The following ZPBP2 variants were observed in gnomAD, a reference collection of about 807,000 sequenced individuals.
The protein encoded by ZPBP2 is zona pellucida-binding protein 2.
ZPBP2 carries 34 observed loss-of-function variants against 37.5 expected under a neutral mutation model. The ratio of observed to expected loss-of-function variants is 0.91; its 90% CI spans 0.69 to 1.21. ZPBP2 has a LOEUF of 1.21. ZPBP2 is among the 50% of genes most tolerant of loss of function. ZPBP2 has a pLI of 0.00. For missense variants in ZPBP2, 397 were observed against 413.5 expected (o/e 0.96, Z 0.35); for synonymous variants, 143 against 138.4 (o/e 1.03, Z -0.23).
At chr17:39,875,149 G>A (rs993352571) in intron 6 of ZPBP2, 105 bp from the exon 7 acceptor site, 8 of 1,036,886 alleles carry the variant, frequency 7.7e-6, no homozygotes, top group Non-Finnish European at 9.8e-6. Flanking sequence ...ATTTATCTAC[G>A]TTAAGTATGG....
intron 6 of ZPBP2, among the ~76,000 whole-genome samples, chr17:39,874,080 G>A (rs1360073761): frequency 6.8e-6 from 1 of 147,214 alleles, no homozygotes; most frequent in Non-Finnish European, 1.5e-5. Flanking sequence ...CCACCTCCCA[G>A]GTTCAAGCAA....
chr17:39,871,715 A>G, intron 4 of ZPBP2, 90 bp downstream of exon 4: 1 of 1,105,614 alleles, frequency 9.0e-7, no homozygotes, highest in Non-Finnish European at 1.2e-6. Flanking sequence ...TGAGTCTGTA[A>G]TAGGTGACTG....
chr17:39,871,543 A>G lies in ZPBP2; in HGVS notation c.324A>G (p.Thr108=), dbSNP rs2063364557. 1 of 1,609,792 alleles carries G rather than the reference A, an allele frequency of 6.2e-7. No homozygotes were observed. Among genetic ancestry groups the G allele is most frequent in the Non-Finnish European group, 8.5e-7 (1 of 1,178,096 alleles). The part of the protein sequence containing the change: ...DFLEPLSGLY[T]CTLSYKTVKA... ...TGGAGCCTTTGTCTGGACTTTACAC[A>G]TGTACTCTTTCTTATAAGACTGTTA... The change falls in exon 4 of 8, where the codon ACA becomes ACG. Residue 108 remains threonine, a synonymous_variant. Transcript: ENST00000348931.
chr17:39,868,267 T>C lies in ZPBP2; in HGVS notation c.-88T>C. ...GCGACCCCGGCGTTCTGCTCCGCAC[T>C]GTGGAGGAGGTGGGGAGGTGTTGGG... On this transcript the variant is annotated 5_prime_UTR_variant, in exon 1 of 8. Transcript: ENST00000348931. 1 of 1,487,576 alleles carries C rather than the reference T, an allele frequency of 6.7e-7. No individual in the cohort carries two copies. The allele number at this position is 1,487,576 out of a possible 1,614,324, so 92.1% of individuals were successfully genotyped here. A position where few individuals can be genotyped will look rare whatever the true frequency, so the allele number is the denominator to read the frequency against.
chr17:39,872,995 G>T, intron 5 of ZPBP2, 49 bp from the exon 6 acceptor site: 2 of 1,552,498 alleles, frequency 1.3e-6, no homozygotes, highest in Non-Finnish European at 1.8e-6. Context: ...TGAAATGTTT[G>T]GAACTTTTCA....
chr17:39,868,496 T>C, intron 1 of ZPBP2, 53 bp from the exon 2 acceptor site: 2 of 1,613,914 alleles, frequency 1.2e-6, no homozygotes, highest in Non-Finnish European at 1.7e-6. Flanking sequence ...CCTGCCCGAC[T>C]CTGAACCCTG....
chr17:39,869,705 A>ATCTT (rs2144639099), intron 2 of ZPBP2, among the ~76,000 whole-genome samples: 2 of 91,168 alleles, frequency 2.2e-5, no homozygotes, highest in East Asian at 5.8e-4. Flanking sequence ...GCACCAGCCA[A>ATCTT]TCTTTTTTTT....
intron 6 of ZPBP2, among the ~76,000 whole-genome samples, chr17:39,874,860 C>G (rs567134088): frequency 6.6e-6 from 1 of 152,370 alleles, no homozygotes; most frequent in African/African-American, 2.4e-5. Flanking sequence ...AAGCAATTCT[C>G]CTGCCTCAGC....
rs762047061 is a variant in ZPBP2 at position 39,871,591 on chromosome 17, A to C, written c.372A>C (p.Lys124Asn). ...TTAAAGCAGAAACTCAAGAAGAAAA[A>C]ACAGTCAAAAAGAGATATGACTTTA... ...KTVKAETQEE[K>N]TVKKRYDFMV... The change falls in exon 4 of 8, where the codon AAA (lysine) becomes AAC (asparagine). Residue 124 changes from lysine (K) to asparagine (N), a missense_variant. Lys to Asn is a moderately conservative substitution (Grantham distance 94). Coordinates refer to ENST00000348931, the MANE Select transcript of ZPBP2 (RefSeq NM_199321.3). 3.1e-6 allele frequency: 5 copies of C among 1,595,860 alleles called. No individual in the cohort carries two copies. The highest frequency in any genetic ancestry group is 3.4e-6 in the Non-Finnish European group (4 of 1,173,254).
In ZPBP2 at chr17:39,868,575, A is replaced by G. The variant is rs1192590215; in HGVS notation, c.79A>G (p.Asn27Asp). Residue 27 changes from asparagine to aspartate, a missense_variant, in exon 2 of 8, where the codon AAT becomes GAT. Physicochemically the swap from Asn to Asp is conservative, Grantham distance 23 (BLOSUM62 1). Transcript: ENST00000348931. ...GVQCPRFTLF[N>D]KKGFIYGKTG... ...CCAATGCCCGCGTTTTACCTTATTC[A>G]ATAAGAAGGGCTTCATTTATGGCAA... The G allele has an allele frequency of 5.0e-6, 8 of 1,614,092 alleles. No homozygotes were observed. Among genetic ancestry groups the G allele is most frequent in the Non-Finnish European group, 6.8e-6 (8 of 1,180,014 alleles).
In ZPBP2 at chr17:39,868,352, G is replaced by C. The variant is rs1029192811; in HGVS notation, c.-3G>C. Reference sequence around the variant, plus strand: ...CGCCTCCTGCGACGCCAGCCCCTGAGCGATGATGCGAACGTGCGTCCTACT... The same window carrying C: ...CGCCTCCTGCGACGCCAGCCCCTGACCGATGATGCGAACGTGCGTCCTACT... On this transcript the variant is annotated 5_prime_UTR_variant, in exon 1 of 8. Transcript: ENST00000348931. The C allele has an allele frequency of 6.2e-7, 1 of 1,608,856 alleles. No individual in the cohort carries two copies. The highest frequency in any genetic ancestry group is 1.3e-5 in the African/African-American group (1 of 74,930).
Position 39,876,877 on chromosome 17 carries a change from C to T in ZPBP2, c.*68C>T. ...AGATGATTTTCACATCCCAGAGCAT[C>T]ATAGATAGTTCCATTAAGTAAAATC... On this transcript the variant is annotated 3_prime_UTR_variant, in exon 8 of 8. Coordinates refer to ENST00000348931, the MANE Select transcript of ZPBP2 (RefSeq NM_199321.3). 6.3e-7 allele frequency: 1 copy of T among 1,584,940 alleles called. No individual in the cohort carries two copies. The highest frequency in any genetic ancestry group is 1.7e-5 in the Admixed American group (1 of 58,946).
At chr17:39,875,480 G>T in intron 7 of ZPBP2, 46 bp downstream of exon 7, 1 of 1,382,068 alleles carries the variant, frequency 7.2e-7, no homozygotes. Context: ...TATAGAGTCA[G>T]AAGAATATAT....
chr17:39,874,070 C>T (rs538009166), intron 6 of ZPBP2, among the ~76,000 whole-genome samples: 1 of 149,982 alleles, frequency 6.7e-6, no homozygotes, highest in African/African-American at 2.5e-5. Context: ...ACTGCAACCT[C>T]CACCTCCCAG....
intron 6 of ZPBP2, 85 bp downstream of exon 6, chr17:39,873,211 C>A: frequency 8.4e-7 from 1 of 1,191,052 alleles, no homozygotes; most frequent in Non-Finnish European, 1.2e-6. Flanking sequence ...TGCAGTGGTG[C>A]GACCATAGCT....
chr17:39,872,366 A>G lies in ZPBP2; in HGVS notation c.503A>G (p.Lys168Arg), dbSNP rs1476027887. Residue 168 changes from lysine (K) to arginine (R), a missense_variant, in exon 5 of 8, where the codon AAG (lysine) becomes AGG (arginine). Coordinates refer to ENST00000348931, the MANE Select transcript of ZPBP2 (RefSeq NM_199321.3). ...AATGATGTATTCTTTAGAGTGCTGA[A>G]GAAAATCTTGGATAGTCTAATTTCT... ...RYNDVFFRVL[K>R]KILDSLISDL... is the part of the protein sequence containing the mutation. The G allele has an allele frequency of 1.2e-6, 2 of 1,613,456 alleles. No individual in the cohort carries two copies. The highest frequency in any genetic ancestry group is 2.7e-5 in the African/African-American group (2 of 74,898).
At chr17:39,868,445 T>A (rs1309207491) in intron 1 of ZPBP2, 39 bp downstream of exon 1, 3 of 1,611,726 alleles carry the variant, frequency 1.9e-6, no homozygotes, top group Non-Finnish European at 2.5e-6. Context: ...CCTCTCCCTC[T>A]GCCCGAGCTT....
intron 3 of ZPBP2, 51 bp downstream of exon 3, chr17:39,870,870 G>GA (rs2063362003): frequency 7.5e-7 from 1 of 1,333,446 alleles, no homozygotes; most frequent in African/African-American, 1.5e-5. Flanking sequence ...CATATTTTTA[G>GA]AAAATCACTG....
chr17:39,873,570 G>A (rs1208306994), intron 6 of ZPBP2, among the ~76,000 whole-genome samples: 2 of 152,074 alleles, frequency 1.3e-5, no homozygotes, highest in Non-Finnish European at 2.9e-5. Flanking sequence ...GTATCAAGAT[G>A]TGTTATTTTG....
Sources: gnomAD v4.1 joint callset for allele counts (sites outside exome capture counted in the v4.1 genomes callset) on GRCh38, gnomAD v4.1.1 for gene constraint, MANE v1.5 for transcripts, NCBI Gene and HGNC (gene_info 2026-07-23, HGNC 2026-07-21) for gene names.